The following RIN3 variants were observed in gnomAD, a reference collection of about 807,000 sequenced individuals.
The protein encoded by RIN3 is Ras and Rab interactor 3, also known as RAB5 interacting protein 3.
A neutral mutation model predicts 76.3 loss-of-function variants in RIN3; 54 were observed. The observed-to-expected ratio is 0.71, with a 90% CI of 0.57 to 0.89. RIN3 has a LOEUF of 0.89. Among genes scored for constraint, RIN3 ranks in the 40% least tolerant of loss-of-function variants. The pLI, the probability that RIN3 is intolerant of heterozygous loss-of-function variation, is 0.00. For missense variants in RIN3, 1,256 were observed against 1,322.1 expected (o/e 0.95, Z 0.78); for synonymous variants, 576 against 564.0 (o/e 1.02, Z -0.30).
At chr14:92,647,121 C>A (rs1463184688) in intron 5 of RIN3, among the ~76,000 whole-genome samples, 1 of 152,152 alleles carries the variant, frequency 6.6e-6, no homozygotes, top group African/African-American at 2.4e-5. Flanking sequence ...CAACAAATGT[C>A]CAAAGAGTTG....
chr14:92,594,699 A>G (rs1457313593), intron 3 of RIN3, among the ~76,000 whole-genome samples: 1 of 152,258 alleles, frequency 6.6e-6, no homozygotes, highest in Non-Finnish European at 1.5e-5. Context: ...CATTGAATGC[A>G]TATATTACAA....
At chr14:92,604,909 CTTTTTTTTTTTTTTTTTTTT>C (rs148326639) in intron 3 of RIN3, among the ~76,000 whole-genome samples, 44 of 90,074 alleles carry the variant, frequency 4.9e-4, no homozygotes, top group African/African-American at 1.3e-3. Flanking sequence ...CCATTTTCCT[CTTTTTTTTTTTTTTTTTTTT>C]TTTTTTTTTT....
rs1887679553 is a variant in RIN3 at position 92,656,666 on chromosome 14, T to C, written c.2027-2495T>C. Among the ~76,000 whole-genome samples the C allele has an allele frequency of 6.6e-6, 1 of 152,120 alleles. No individual in the cohort carries two copies. The highest frequency in any genetic ancestry group is 1.5e-5 in the Non-Finnish European group (1 of 68,002). ...CACCAGAGCCTGCCGTGGGCACGAA[T>C]GTGTGGGGCAGAGAGGTTTCCAGGC... On this transcript the variant is annotated intron_variant, in intron 6 of 9. Coordinates refer to ENST00000216487, the MANE Select transcript of RIN3 (RefSeq NM_024832.5). This position sits in a 1 kb window ranked among gnomAD's most constrained non-coding sequence, Gnocchi z 5.2.
intron 3 of RIN3, among the ~76,000 whole-genome samples, chr14:92,613,774 C>T (rs1885840859): frequency 6.6e-6 from 1 of 152,196 alleles, no homozygotes; most frequent in Non-Finnish European, 1.5e-5. Flanking sequence ...ACCTGGAAGC[C>T]GGGTCCTGCC....
chr14:92,573,079 A>G (rs1330822008), intron 2 of RIN3, among the ~76,000 whole-genome samples: 1 of 151,670 alleles, frequency 6.6e-6, no homozygotes, highest in Non-Finnish European at 1.5e-5. Flanking sequence ...ATGGGGTTTC[A>G]CCATGTTGGT....
intron 3 of RIN3, among the ~76,000 whole-genome samples, chr14:92,588,425 C>T (rs1445006151): frequency 2.0e-5 from 3 of 151,900 alleles, no homozygotes; most frequent in Non-Finnish European, 4.4e-5. Flanking sequence ...AGTGTTTCTC[C>T]ATGTTGATCA....
chr14:92,662,068 C>G (rs1887908044), intron 7 of RIN3, among the ~76,000 whole-genome samples: 1 of 152,370 alleles, frequency 6.6e-6, no homozygotes, highest in African/African-American at 2.4e-5. Context: ...CGAGTTTGAC[C>G]TGGTCAGCCC....
intron 4 of RIN3, among the ~76,000 whole-genome samples, chr14:92,630,005 C>A (rs1886512538): frequency 6.6e-6 from 1 of 152,224 alleles, no homozygotes; most frequent in African/African-American, 2.4e-5. Flanking sequence ...AAGCTCCTAA[C>A]CATAGTGGAA....
At chr14:92,618,261 G>A (rs1886045900) in intron 4 of RIN3, among the ~76,000 whole-genome samples, 1 of 152,078 alleles carries the variant, frequency 6.6e-6, no homozygotes, top group African/African-American at 2.4e-5. Flanking sequence ...ATAAGCAAGG[G>A]AAAATATTCA....
In RIN3 at chr14:92,652,007, C is replaced by A. The variant is rs1595484931; in HGVS notation, c.958C>A (p.Pro320Thr). 1.3e-6 allele frequency: 2 copies of A among 1,562,750 alleles called. No homozygotes were observed. Among genetic ancestry groups the A allele is most frequent in the Non-Finnish European group, 1.7e-6 (2 of 1,145,810 alleles). Residue 320 changes from proline to threonine, a missense_variant, in exon 6 of 10, where the codon CCC (proline) becomes ACC (threonine). Pro to Thr is a conservative substitution (Grantham distance 38, BLOSUM62 -1). Transcript: ENST00000216487. This position sits in a 1 kb window ranked among gnomAD's most constrained non-coding sequence, Gnocchi z 6.4. ...GCCCACCTCTCCCCCAGTGCCTGCC[C>A]CCCACGTCACACCCCATGCCCCAGG... ...PLPTSPPVPA[P>T]HVTPHAPGPP...
At position 92,555,896 on chromosome 14, in the gene RIN3, C is replaced by G; in HGVS notation, c.190C>G (p.Leu64Val). 2.5e-6 allele frequency: 4 copies of G among 1,614,010 alleles called. No individual in the cohort carries two copies. Among genetic ancestry groups the G allele is most frequent in the Non-Finnish European group, 3.4e-6 (4 of 1,180,032 alleles). Reference sequence around the variant, plus strand: ...GCTCATCAAAACATGCCCGGTGTGGCTGCAGCTGAGTCTGGGCCAGGCAGA... The same window carrying G: ...GCTCATCAAAACATGCCCGGTGTGGGTGCAGCTGAGTCTGGGCCAGGCAGA... ...EKLIKTCPVW[L>V]QLSLGQAEVA... The change falls in exon 2 of 10, where the codon CTG (leucine) becomes GTG (valine). Residue 64 changes from leucine (L) to valine (V), a missense_variant. Leu to Val is a conservative substitution (Grantham distance 32). Around this residue, in one of 3 missense-constraint regions of RIN3, gnomAD observed 610 missense variants for 626.4 expected, o/e 0.97. Transcript: ENST00000216487.
rs1297702612 is a variant in RIN3, at chr14:92,678,657, T to TCCATCCAC, written c.2467+2054_2467+2061dup. Among the ~76,000 whole-genome samples the TCCATCCAC allele has an allele frequency of 7.2e-4, 108 of 150,802 alleles. 1 individual carries two copies. The South Asian group carries it at 0.021, about 29-fold the overall frequency. ...CACACACCCATTCATCTACCATCCA[T>TCCATCCAC]CCATCCACCCGTCCACCCATCCACT... On this transcript the variant is annotated intron_variant, in intron 8 of 9. Coordinates refer to ENST00000216487, the MANE Select transcript of RIN3 (RefSeq NM_024832.5).
chr14:92,564,826 G>A (rs1304435072), intron 2 of RIN3, among the ~76,000 whole-genome samples: 1 of 151,968 alleles, frequency 6.6e-6, no homozygotes, highest in Non-Finnish European at 1.5e-5. Context: ...GCACACACAC[G>A]CGCGCGCGCA....
At position 92,659,429 on chromosome 14, in the gene RIN3, C is replaced by A. The variant is rs1456241186; in HGVS notation, c.2295C>A (p.Thr765=). The A allele has an allele frequency of 1.2e-6, 2 of 1,612,740 alleles. No individual in the cohort carries two copies. The highest frequency in any genetic ancestry group is 1.1e-5 in the South Asian group (1 of 90,946). The part of the protein sequence containing the change: ...PEKKISILLK[T]CKLIYDSMAL... ...AGAAGATCTCCATCCTGCTCAAGACCTGCAAACTCATCTACGACTCCATGG... is the reference window on the plus strand; with the variant it reads ...AGAAGATCTCCATCCTGCTCAAGACATGCAAACTCATCTACGACTCCATGG... Residue 765 remains threonine (T), a synonymous_variant, in exon 7 of 10, where the codon ACC becomes ACA. Transcript: ENST00000216487.
intron 2 of RIN3, chr14:92,576,141 G>A (rs1043461479): frequency 3.8e-6 from 4 of 1,057,684 alleles, no homozygotes; most frequent in African/African-American, 3.3e-5. Context: ...CCCCTTCCTG[G>A]GGAAGCTGTG....
At chr14:92,519,074 G>A (rs1896523190) in intron 1 of RIN3, among the ~76,000 whole-genome samples, 1 of 152,034 alleles carries the variant, frequency 6.6e-6, no homozygotes, top group African/African-American at 2.4e-5. Flanking sequence ...CTGACAGTCG[G>A]CTCCCTGAGT....
chr14:92,685,522 C>T lies in RIN3; in HGVS notation c.2631+372C>T. On this transcript the variant is annotated intron_variant, in intron 9 of 9. Transcript: ENST00000216487. The surrounding 1 kb of genome is among the most constrained non-coding windows in gnomAD (Gnocchi z 4.7). ...TTTAAGGAGCCCACAGGCTCATCTACAGCCTTGCTCCTTAGTCCCTGGACA... is the reference window on the plus strand; with the variant it reads ...TTTAAGGAGCCCACAGGCTCATCTATAGCCTTGCTCCTTAGTCCCTGGACA... 1 of 212,040 alleles carries T rather than the reference C, an allele frequency of 4.7e-6. No homozygotes were observed. The highest frequency in any genetic ancestry group is 9.7e-6 in the Non-Finnish European group (1 of 103,384). 13.1% of individuals were successfully genotyped at this position (212,040 alleles called of 1,614,324 possible).
chr14:92,622,137 G>A (rs1886204440), intron 4 of RIN3, among the ~76,000 whole-genome samples: 1 of 152,156 alleles, frequency 6.6e-6, no homozygotes, highest in Non-Finnish European at 1.5e-5. Context: ...AACAATATGG[G>A]GGCCAAGCAG....
rs1896386786 is a variant in RIN3, at chr14:92,514,586, C to G, written c.44+610C>G. Among the ~76,000 whole-genome samples, 1 of 152,270 alleles carries G rather than the reference C, an allele frequency of 6.6e-6. No homozygotes were observed. Among genetic ancestry groups the G allele is most frequent in the Non-Finnish European group, 1.5e-5 (1 of 68,052 alleles). ...ACCTTCGGACCGGCCCTGGTCGAGC[C>G]TAGTGCTTGGGTAGGGTCCAGGGCG... On this transcript the variant is annotated intron_variant, in intron 1 of 9. Coordinates refer to ENST00000216487, the MANE Select transcript of RIN3 (RefSeq NM_024832.5). This position sits in a 1 kb window ranked among gnomAD's most constrained non-coding sequence, Gnocchi z 7.2.
Sources: allele counts gnomAD v4.1 joint callset (sites outside exome capture counted in the v4.1 genomes callset), GRCh38; gene constraint gnomAD v4.1.1; regional missense constraint gnomAD v4.1.1; non-coding constraint Gnocchi (gnomAD v3.1); transcripts MANE v1.5; gene names NCBI Gene and HGNC (gene_info 2026-07-23, HGNC 2026-07-21).